PAPPA: variants seen among roughly 807,000 people sequenced by gnomAD.
PAPPA encodes the protein pappalysin 1, also known as pappalysin-1.
A neutral mutation model predicts 164.0 loss-of-function variants in PAPPA; 60 were observed. The ratio of observed to expected loss-of-function variants is 0.37; its 90% CI spans 0.30 to 0.45. PAPPA has a LOEUF of 0.45. Among genes scored for constraint, PAPPA ranks in the 20% least tolerant of loss-of-function variants. The pLI, the probability that PAPPA is intolerant of heterozygous loss-of-function variation, is 1.00. For missense variants in PAPPA, 1,782 were observed against 2,087.3 expected (o/e 0.85, Z 2.85); for synonymous variants, 875 against 814.1 (o/e 1.07, Z -1.27).
chr9:116,250,350 C>T (rs2118778197), intron 7 of PAPPA, among the ~76,000 whole-genome samples: 1 of 152,152 alleles, frequency 6.6e-6, no homozygotes, highest in African/African-American at 2.4e-5. Context: ...AGGTTTTTGC[C>T]CCAGTTTCAG....
chr9:116,218,844 C>T, intron 4 of PAPPA, among the ~76,000 whole-genome samples: 1 of 152,226 alleles, frequency 6.6e-6, no homozygotes, highest in East Asian at 1.9e-4. Flanking sequence ...TATTTACCCT[C>T]TGTCAGCTTT....
At chr9:116,225,679 G>A (rs1002878452) in intron 5 of PAPPA, among the ~76,000 whole-genome samples, 45 of 152,234 alleles carry the variant, frequency 3.0e-4, no homozygotes, top group Admixed American at 1.9e-3. Flanking sequence ...TAATATTAGT[G>A]TGCTTGCAAA....
In PAPPA at chr9:116,382,386, C is replaced by T. The variant is rs773925426; in HGVS notation, c.4678-9C>T. 42 of 1,597,030 alleles carry T rather than the reference C, an allele frequency of 2.6e-5. No homozygotes were observed. Among genetic ancestry groups the T allele is most frequent in the Non-Finnish European group, 3.6e-5 (42 of 1,164,578 alleles). On this transcript the variant is annotated splice_polypyrimidine_tract_variant and intron_variant, in intron 20 of 21. Transcript: ENST00000328252. ...AGGCCTCATTTCCTCCTTCTGTCTC[C>T]CTTTCCAGCCCTTCATGGGAGACAA...
At chr9:116,182,935 C>T (rs566771488) in intron 1 of PAPPA, among the ~76,000 whole-genome samples, 73 of 152,230 alleles carry the variant, frequency 4.8e-4, no homozygotes, top group Middle Eastern at 6.8e-3. Flanking sequence ...GGCTCTTGCA[C>T]GCTTTCATTG....
At chr9:116,188,670 T>C (rs924128935) in intron 2 of PAPPA, among the ~76,000 whole-genome samples, 1 of 152,172 alleles carries the variant, frequency 6.6e-6, no homozygotes, top group African/African-American at 2.4e-5. Flanking sequence ...TCTAGCCACA[T>C]GGGACTAGTA....
intron 19 of PAPPA, chr9:116,373,715 C>G (rs953200788): frequency 3.9e-5 from 6 of 152,102 alleles, no homozygotes; most frequent in African/African-American, 1.4e-4. Context: ...AAAAAGTAAG[C>G]TATTTTATAC....
At chr9:116,332,618 A>G (rs1846008962) in intron 12 of PAPPA, 150 bp downstream of exon 12, 2 of 687,386 alleles carry the variant, frequency 2.9e-6, no homozygotes, top group East Asian at 5.4e-5. Flanking sequence ...GTTGCCCTCA[A>G]ATCAAGATGT....
chr9:116,156,275 CGTGT>C (rs112482587), intron 1 of PAPPA, among the ~76,000 whole-genome samples: 1 of 135,596 alleles, frequency 7.4e-6, no homozygotes, highest in Non-Finnish European at 1.5e-5. Flanking sequence ...TACATAAATA[CGTGT>C]GTGTGTGTGT....
At chr9:116,290,551 G>A (rs1845423371) in intron 9 of PAPPA, among the ~76,000 whole-genome samples, 3 of 152,062 alleles carry the variant, frequency 2.0e-5, no homozygotes, top group Non-Finnish European at 4.4e-5. Flanking sequence ...CTTGTCCAAA[G>A]TCATAGGGTT....
rs1462880668 is a variant in PAPPA, at chr9:116,179,512, TC to T, written c.416-7640del. Reference sequence around the variant, plus strand: ...AACCCAGTATAACTTGGTATAATCCTCCAGTCCTGTATGTCTCCCTTTAAGC... The same window carrying T: ...AACCCAGTATAACTTGGTATAATCCTCAGTCCTGTATGTCTCCCTTTAAGC... On this transcript the variant is annotated intron_variant, in intron 1 of 21. Transcript: ENST00000328252. Among the ~76,000 whole-genome samples the T allele has an allele frequency of 5.3e-5, 8 of 152,320 alleles. No homozygotes were observed. In the South Asian group the frequency reaches 1.7e-3, roughly 32 times the overall value.
chr9:116,262,019 C>T (rs1845008526), intron 7 of PAPPA, among the ~76,000 whole-genome samples: 1 of 151,920 alleles, frequency 6.6e-6, no homozygotes. Context: ...TCTAAACCAG[C>T]CTGCGCAACC....
chr9:116,349,003 T>G (rs2118985296), intron 15 of PAPPA, among the ~76,000 whole-genome samples: 1 of 152,296 alleles, frequency 6.6e-6, no homozygotes, highest in African/African-American at 2.4e-5. Context: ...ATGACCAGCT[T>G]GAAATCCTTT....
chr9:116,196,885 G>A (rs1172848033), intron 2 of PAPPA, among the ~76,000 whole-genome samples: 1 of 152,314 alleles, frequency 6.6e-6, no homozygotes, highest in Admixed American at 6.5e-5. Context: ...GCAGCCAACT[G>A]CAGCTCTTAG....
chr9:116,345,939 A>G (rs1276805358), intron 14 of PAPPA, among the ~76,000 whole-genome samples: 1 of 152,190 alleles, frequency 6.6e-6, no homozygotes, highest in Non-Finnish European at 1.5e-5. Flanking sequence ...TTCAAACTGC[A>G]AGCACACAGG....
At chr9:116,370,594 G>A (rs1466185477) in intron 19 of PAPPA, among the ~76,000 whole-genome samples, 2 of 152,188 alleles carry the variant, frequency 1.3e-5, no homozygotes, top group Non-Finnish European at 2.9e-5. Context: ...AGATTTCAAG[G>A]TTTCCAGGTT....
At chr9:116,228,099 A>G (rs1844538132) in intron 6 of PAPPA, among the ~76,000 whole-genome samples, 1 of 152,178 alleles carries the variant, frequency 6.6e-6, no homozygotes, top group African/African-American at 2.4e-5. Flanking sequence ...TATGGGTTCC[A>G]CCCACTATCA....
chr9:116,335,616 A>G (rs1454465028), intron 13 of PAPPA, among the ~76,000 whole-genome samples: 1 of 152,178 alleles, frequency 6.6e-6, no homozygotes. Context: ...TTTCAACTGC[A>G]TGACATCACT....
chr9:116,373,637 C>G (rs1846605490), intron 19 of PAPPA: 1 of 152,056 alleles, frequency 6.6e-6, no homozygotes, highest in African/African-American at 2.4e-5. Context: ...TTTAGATGCT[C>G]TACCCACTCC....
At chr9:116,335,313 G>A (rs757784942) in intron 13 of PAPPA, among the ~76,000 whole-genome samples, 5 of 152,052 alleles carry the variant, frequency 3.3e-5, no homozygotes, top group East Asian at 1.9e-4. Context: ...GGCTTGCAGC[G>A]GCAGAATTGA....
Sources: allele counts gnomAD v4.1 joint callset (sites outside exome capture counted in the v4.1 genomes callset), GRCh38; gene constraint gnomAD v4.1.1; transcripts MANE v1.5; gene names NCBI Gene and HGNC (gene_info 2026-07-23, HGNC 2026-07-21).